Variants in ACACA observed in about 807,000 individuals in gnomAD.
ACACA encodes acetyl-CoA carboxylase 1.
A neutral mutation model predicts 296.1 loss-of-function variants in ACACA; 103 were observed. The observed-to-expected ratio is 0.35, with a 90% CI of 0.30 to 0.41. The LOEUF is 0.41. Ranked by LOEUF, ACACA falls within the 10% of genes least tolerant of loss-of-function variation. The pLI is 1.00. For missense variants in ACACA, 1,554 were observed against 2,989.7 expected (o/e 0.52, Z 11.20); for synonymous variants, 953 against 1,038.6 (o/e 0.92, Z 1.58).
In ACACA at chr17:37,087,294, A is replaced by C. The variant is rs2072270021; in HGVS notation, c.*22T>G. The C allele has an allele frequency of 1.9e-6, 3 of 1,613,904 alleles. No individual in the cohort carries two copies. Among genetic ancestry groups the C allele is most frequent in the Non-Finnish European group, 2.5e-6 (3 of 1,180,024 alleles). ...TAGCCCTTTTCTCCAGAGACAGGGC[A>C]GGGACAGGCAGGAAGCTCTTCCTAC... is the stretch of plus-strand genomic sequence containing the variant. On this transcript the variant is annotated 3_prime_UTR_variant, in exon 56 of 56. Coordinates refer to ENST00000616317, the MANE Select transcript of ACACA (RefSeq NM_198834.3).
At chr17:37,295,410 T>C (rs924670768) in intron 3 of ACACA, among the ~76,000 whole-genome samples, 3 of 152,228 alleles carry the variant, frequency 2.0e-5, no homozygotes, top group Non-Finnish European at 4.4e-5. Context: ...GTACAAGTTC[T>C]TGGTGTTTTG....
intron 41 of ACACA, 33 bp from the exon 42 acceptor site, chr17:37,162,083 G>T: frequency 6.2e-7 from 1 of 1,613,562 alleles, no homozygotes; most frequent in Non-Finnish European, 8.5e-7. Flanking sequence ...ATGAACAGAA[G>T]TTTCTTACAG....
intron 43 of ACACA, among the ~76,000 whole-genome samples, chr17:37,153,673 GATT>G (rs2076129131): frequency 6.6e-6 from 1 of 152,030 alleles, no homozygotes; most frequent in Non-Finnish European, 1.5e-5. Context: ...TTTTTCAAAT[GATT>G]ATTAAGTTCT....
chr17:37,277,170 C>G, intron 6 of ACACA, 56 bp from the exon 7 acceptor site: 1 of 1,470,584 alleles, frequency 6.8e-7, no homozygotes, highest in Non-Finnish European at 9.5e-7. Flanking sequence ...CCCCCACAAA[C>G]TGCAAGAGTC....
intron 24 of ACACA, 117 bp from the exon 25 acceptor site, chr17:37,235,216 G>T: frequency 2.3e-6 from 3 of 1,282,966 alleles, no homozygotes; most frequent in Non-Finnish European, 3.3e-6. Flanking sequence ...ACATCATAAG[G>T]ATTTTCTTGG....
intron 1 of ACACA, among the ~76,000 whole-genome samples, chr17:37,348,408 G>T (rs1568033109): frequency 6.6e-6 from 1 of 152,062 alleles, no homozygotes; most frequent in Non-Finnish European, 1.5e-5. Context: ...CTGAACACAA[G>T]AAAAGATCCT....
Position 37,406,229 on chromosome 17 carries a change from T to A in ACACA, c.38+33A>T, listed in dbSNP as rs747142009. The A allele has an allele frequency of 1.9e-6, 3 of 1,608,212 alleles. No individual in the cohort carries two copies. In the Admixed American group the frequency reaches 5.0e-5, roughly 27 times the overall value. On this transcript the variant is annotated intron_variant, in intron 1 of 55. Transcript: ENST00000616317. Reference sequence around the variant, plus strand: ...CAAATGGTAGCTATTAGAATCATCATTAACAGCAGTAATAAGAGATCTTGG... The same window carrying A: ...CAAATGGTAGCTATTAGAATCATCAATAACAGCAGTAATAAGAGATCTTGG...
intron 5 of ACACA, among the ~76,000 whole-genome samples, chr17:37,282,097 T>C (rs2082564091): frequency 6.6e-6 from 1 of 152,194 alleles, no homozygotes; most frequent in African/African-American, 2.4e-5. Flanking sequence ...GTCTCGGAAA[T>C]GGGGCCTGGT....
intron 54 of ACACA, among the ~76,000 whole-genome samples, chr17:37,096,227 T>C (rs1302638534): frequency 6.6e-6 from 1 of 152,192 alleles, no homozygotes; most frequent in East Asian, 1.9e-4. Flanking sequence ...ACTCCACTGC[T>C]TAAAATACCT....
intron 52 of ACACA, among the ~76,000 whole-genome samples, chr17:37,102,784 G>A (rs1373712826): frequency 6.6e-6 from 1 of 152,206 alleles, no homozygotes; most frequent in African/African-American, 2.4e-5. Flanking sequence ...GCTGGCTTCT[G>A]GGCTAACAAA....
At chr17:37,183,795 A>T (rs953175700) in intron 39 of ACACA, among the ~76,000 whole-genome samples, 1 of 150,400 alleles carries the variant, frequency 6.6e-6, no homozygotes, top group Non-Finnish European at 1.5e-5. Context: ...CCATCTCAAA[A>T]GGAAAAAAAA....
chr17:37,091,856 G>A (rs997398931), intron 54 of ACACA, among the ~76,000 whole-genome samples: 9 of 152,042 alleles, frequency 5.9e-5, no homozygotes, highest in African/African-American at 1.9e-4. Flanking sequence ...GATTATAGGC[G>A]TGTGCCACTG....
At chr17:37,118,811 G>A (rs2074382050) in intron 50 of ACACA, among the ~76,000 whole-genome samples, 2 of 152,214 alleles carry the variant, frequency 1.3e-5, no homozygotes, top group South Asian at 4.1e-4. Context: ...GATAATACAT[G>A]TAAAATTGTT....
chr17:37,157,920 G>C (rs950444392), intron 42 of ACACA, among the ~76,000 whole-genome samples: 1 of 152,110 alleles, frequency 6.6e-6, no homozygotes, highest in Admixed American at 6.6e-5. Flanking sequence ...AATTAGGAGG[G>C]TACTGCAATA....
At chr17:37,187,805 T>C (rs2077595196) in intron 39 of ACACA, among the ~76,000 whole-genome samples, 1 of 152,232 alleles carries the variant, frequency 6.6e-6, no homozygotes, top group African/African-American at 2.4e-5. Context: ...CTGATGATGG[T>C]AGTGCTCATG....
chr17:37,378,160 A>G (rs1475267352), intron 1 of ACACA, among the ~76,000 whole-genome samples: 3 of 152,192 alleles, frequency 2.0e-5, no homozygotes, highest in African/African-American at 4.8e-5. Flanking sequence ...TATATTACTC[A>G]AATGGATGGA....
intron 2 of ACACA, among the ~76,000 whole-genome samples, chr17:37,331,532 C>G (rs1166893334): frequency 3.3e-5 from 5 of 152,110 alleles, no homozygotes; most frequent in African/African-American, 4.8e-5. Context: ...CTCGGCCTCC[C>G]AAGTAGCTGG....
At chr17:37,355,439 C>T (rs1318113603) in intron 1 of ACACA, among the ~76,000 whole-genome samples, 3 of 151,532 alleles carry the variant, frequency 2.0e-5, no homozygotes, top group East Asian at 1.9e-4. Context: ...GCCTGTAATC[C>T]GAGCTACACG....
intron 39 of ACACA, among the ~76,000 whole-genome samples, chr17:37,182,976 G>A (rs949721171): frequency 2.0e-5 from 3 of 152,116 alleles, no homozygotes; most frequent in African/African-American, 7.2e-5. Context: ...AAAGTCACCC[G>A]GGGGGAAGCA....
Sources: allele counts gnomAD v4.1 joint callset (sites outside exome capture counted in the v4.1 genomes callset), GRCh38; gene constraint gnomAD v4.1.1; transcripts MANE v1.5; gene names NCBI Gene and HGNC (gene_info 2026-07-23, HGNC 2026-07-21).